CCDC38: variants seen among roughly 807,000 people sequenced by gnomAD.
CCDC38 encodes the protein coiled-coil domain-containing protein 38.
Under a neutral mutation model 72.8 loss-of-function variants are expected in CCDC38, and 69 were observed. The ratio of observed to expected loss-of-function variants is 0.95; its 90% CI spans 0.78 to 1.16. CCDC38 has a LOEUF of 1.16. Ranked by LOEUF, CCDC38 falls within the 50% of genes most tolerant of loss-of-function variation. The pLI is 0.00. For synonymous variants in CCDC38, 201 were observed against 213.2 expected (o/e 0.94, Z 0.50); for missense variants, 626 against 638.9 (o/e 0.98, Z 0.22).
At chr12:95,883,692 T>G (rs1341655275) in intron 10 of CCDC38, among the ~76,000 whole-genome samples, 1 of 152,202 alleles carries the variant, frequency 6.6e-6, no homozygotes. Flanking sequence ...TGCAATCAAC[T>G]TGGCTGTCTT....
chr12:95,871,474 C>T (rs80097228), intron 14 of CCDC38, among the ~76,000 whole-genome samples: 1,680 of 152,140 alleles, frequency 0.011, 22 homozygotes, highest in African/African-American at 0.038. Flanking sequence ...CCTACAGATA[C>T]CAAGGGACAA....
At chr12:95,920,435 G>C (rs1450583500) in intron 2 of CCDC38, among the ~76,000 whole-genome samples, 1 of 152,132 alleles carries the variant, frequency 6.6e-6, no homozygotes, top group Admixed American at 6.5e-5. Context: ...TTTATTAGCA[G>C]CATGAGAACA....
chr12:95,943,029 A>C, upstream of CCDC38: 1 of 175,478 alleles, frequency 5.7e-6, no homozygotes, highest in Non-Finnish European at 1.2e-5. Flanking sequence ...CACCCAGCCA[A>C]CCCTTGACGC....
rs116110865 is a variant in CCDC38, at chr12:95,876,026, T to C, written c.1278+2185A>G. ...TTGGTTTCAGAATTATTTTAAACAGTTGAAGTGTGGAAACCACTCAAGTGT... is the reference window on the plus strand; with the variant it reads ...TTGGTTTCAGAATTATTTTAAACAGCTGAAGTGTGGAAACCACTCAAGTGT... On this transcript the variant is annotated intron_variant, in intron 13 of 15. Transcript: ENST00000344280. Among the ~76,000 whole-genome samples the C allele has an allele frequency of 6.3e-3, 958 of 152,278 alleles. 15 individuals are homozygous for C. The highest frequency in any genetic ancestry group is 0.022 in the African/African-American group (911 of 41,546).
intron 2 of CCDC38, among the ~76,000 whole-genome samples, chr12:95,925,006 T>C (rs1444151824): frequency 1.4e-5 from 2 of 146,436 alleles, no homozygotes; most frequent in East Asian, 2.0e-4. Flanking sequence ...TGGCTTAGGA[T>C]TGACTTGGCG....
Position 95,917,142 on chromosome 12 carries a change from A to AGGAATC in CCDC38, c.285_290dup (p.Ile96_Pro97dup). The AGGAATC allele has an allele frequency of 6.3e-7, 1 of 1,576,176 alleles. No homozygotes were observed. Among genetic ancestry groups the AGGAATC allele is most frequent in the Non-Finnish European group, 8.5e-7 (1 of 1,171,016 alleles). ...ATTTAGACTCACCTTCTATTAATCT[A>AGGAATC]GGAATCGGAGCAGGACCTGGCCCAA... On this transcript the variant is annotated inframe_insertion, in exon 4 of 16. Coordinates refer to ENST00000344280, the MANE Select transcript of CCDC38 (RefSeq NM_182496.3).
At chr12:95,894,549 C>G (rs1171999534) in intron 8 of CCDC38, among the ~76,000 whole-genome samples, 4 of 152,140 alleles carry the variant, frequency 2.6e-5, no homozygotes, top group Non-Finnish European at 4.4e-5. Flanking sequence ...AGTTCTTACT[C>G]TCTTAGTTTC....
At position 95,878,126 on chromosome 12, in the gene CCDC38, C is replaced by T. The variant is rs77719435; in HGVS notation, c.1278+85G>A. ...CTAGGACTTGTGATTTGCTTTAACTCTCCTATTCACATACTTAGGACACAG... is the reference window on the plus strand; with the variant it reads ...CTAGGACTTGTGATTTGCTTTAACTTTCCTATTCACATACTTAGGACACAG... On this transcript the variant is annotated intron_variant, in intron 13 of 15. Coordinates refer to ENST00000344280, the MANE Select transcript of CCDC38 (RefSeq NM_182496.3). 3,079 of 1,453,334 alleles carry T rather than the reference C, an allele frequency of 2.1e-3. 46 individuals carry two copies. The African/African-American group carries it at 0.038, about 18-fold the overall frequency. The allele number at this position is 1,453,334 out of a possible 1,614,324, so 90.0% of individuals were successfully genotyped here. A position where few individuals can be genotyped will look rare whatever the true frequency, so the allele number is the denominator to read the frequency against.
chr12:95,937,800 T>A (rs1445064644), intron 1 of CCDC38, among the ~76,000 whole-genome samples: 1 of 152,220 alleles, frequency 6.6e-6, no homozygotes, highest in Non-Finnish European at 1.5e-5. Context: ...AAAACATTTA[T>A]TGAGTACCTA....
chr12:95,932,656 G>A (rs1801803760), intron 2 of CCDC38, among the ~76,000 whole-genome samples: 1 of 152,180 alleles, frequency 6.6e-6, no homozygotes. Flanking sequence ...GATGAGTCAT[G>A]TTTGTGGATA....
intron 8 of CCDC38, among the ~76,000 whole-genome samples, chr12:95,893,420 TCCCTCCC>T (rs1565949938): frequency 3.5e-5 from 2 of 57,464 alleles, no homozygotes; most frequent in Admixed American, 2.0e-4. Flanking sequence ...CCTCCCTCCC[TCCCTCCC>T]TCCCTCCCTC....
At chr12:95,875,692 T>C (rs1474827253) in intron 13 of CCDC38, among the ~76,000 whole-genome samples, 1 of 152,122 alleles carries the variant, frequency 6.6e-6, no homozygotes, top group East Asian at 1.9e-4. Context: ...CACCTCCCCT[T>C]CCCCACCCCA....
chr12:95,872,579 T>G, intron 13 of CCDC38, 119 bp from the exon 14 acceptor site: 1 of 709,364 alleles, frequency 1.4e-6, no homozygotes, highest in Non-Finnish European at 2.3e-6. Flanking sequence ...ATTTTTATTT[T>G]TATTATTTTT....
At chr12:95,884,555 A>C (rs2079736437) in intron 10 of CCDC38, among the ~76,000 whole-genome samples, 1 of 152,268 alleles carries the variant, frequency 6.6e-6, no homozygotes, top group South Asian at 2.1e-4. Context: ...AACAAACAAC[A>C]GCTTAAAGCA....
At chr12:95,869,852 C>T (rs1219104810) in intron 14 of CCDC38, 8 of 303,310 alleles carry the variant, frequency 2.6e-5, no homozygotes, top group Non-Finnish European at 6.0e-6. Context: ...GAGACAGAGT[C>T]TCAGTCTGTT....
chr12:95,875,841 C>A (rs549510152), intron 13 of CCDC38, among the ~76,000 whole-genome samples: 1 of 152,094 alleles, frequency 6.6e-6, no homozygotes, highest in Non-Finnish European at 1.5e-5. Flanking sequence ...ATTCTACTTT[C>A]TTTCTTTAGG....
intron 5 of CCDC38, among the ~76,000 whole-genome samples, chr12:95,901,791 G>A (rs1287372720): frequency 6.6e-6 from 1 of 152,198 alleles, no homozygotes; most frequent in Non-Finnish European, 1.5e-5. Flanking sequence ...GACAAAAGTC[G>A]TTTTGGTGAA....
intron 1 of CCDC38, 63 bp from the exon 2 acceptor site, chr12:95,936,586 A>G: frequency 7.3e-7 from 1 of 1,366,072 alleles, no homozygotes; most frequent in Non-Finnish European, 1.0e-6. Context: ...AAAGGGCTAA[A>G]TTCAACTGCC....
intron 2 of CCDC38, among the ~76,000 whole-genome samples, chr12:95,926,917 T>A (rs2080277614): frequency 6.6e-6 from 1 of 152,100 alleles, no homozygotes; most frequent in Non-Finnish European, 1.5e-5. Context: ...TAGTTTGTTA[T>A]AATTTCTGTT....
Sources: gnomAD v4.1 joint callset for allele counts (sites outside exome capture counted in the v4.1 genomes callset) on GRCh38, gnomAD v4.1.1 for gene constraint, MANE v1.5 for transcripts, NCBI Gene and HGNC (gene_info 2026-07-23, HGNC 2026-07-21) for gene names.